Variants in SULT6B1 observed in about 807,000 individuals in gnomAD.
SULT6B1 encodes sulfotransferase family 6B member 1, also known as sulfotransferase 6B1.
Under a neutral mutation model 37.2 loss-of-function variants are expected in SULT6B1, and 44 were observed. The ratio of observed to expected loss-of-function variants is 1.18; its 90% confidence interval spans 0.93 to 1.52. The LOEUF (loss-of-function observed/expected upper bound fraction) is 1.52. Among genes scored for constraint, SULT6B1 ranks in the 40% most tolerant of loss-of-function variants. SULT6B1 has a pLI of 0.00. For synonymous variants in SULT6B1, 140 were observed against 126.0 expected (o/e 1.11, Z -0.74); for missense variants, 450 against 361.0 (o/e 1.25, Z -2.00).
At chr2:37,175,261 C>A in intron 4 of SULT6B1, 35 bp from the exon 5 acceptor site, 2 of 1,238,012 alleles carry the variant, frequency 1.6e-6, no homozygotes, top group East Asian at 2.4e-5. Flanking sequence ...TAAGAAATGT[C>A]AAATAACTGA....
upstream of SULT6B1, chr2:37,191,154 T>A (rs1407322130): frequency 1.3e-5 from 2 of 149,592 alleles, no homozygotes; most frequent in Non-Finnish European, 2.9e-5. Flanking sequence ...GAAAGACACT[T>A]ACAATGAGAT....
At chr2:37,194,178 A>T (rs561470740) in intron 1 of SULT6B1, among the ~76,000 whole-genome samples, 2 of 146,282 alleles carry the variant, frequency 1.4e-5, no homozygotes, top group Admixed American at 1.4e-4. Flanking sequence ...CTGTCTGTAG[A>T]TTTTTTTTTT....
At chr2:37,184,439 T>G (rs957193554) in intron 2 of SULT6B1, among the ~76,000 whole-genome samples, 1 of 152,352 alleles carries the variant, frequency 6.6e-6, no homozygotes, top group African/African-American at 2.4e-5. Flanking sequence ...CTATTTAATC[T>G]GCCAGGATTA....
At chr2:37,170,844 C>T (rs1299355500) in intron 6 of SULT6B1, among the ~76,000 whole-genome samples, 1 of 151,988 alleles carries the variant, frequency 6.6e-6, no homozygotes, top group Non-Finnish European at 1.5e-5. Flanking sequence ...CTCACTATCT[C>T]CTATCTGAAT....
intron 5 of SULT6B1, among the ~76,000 whole-genome samples, chr2:37,173,353 G>C (rs1299372961): frequency 6.6e-6 from 1 of 151,838 alleles, no homozygotes; most frequent in Non-Finnish European, 1.5e-5. Flanking sequence ...AAATTGGTGG[G>C]CTCCAAGTTC....
At chr2:37,189,454 A>G (rs981737855), upstream of SULT6B1, among the ~76,000 whole-genome samples, 3 of 152,250 alleles carry the variant, frequency 2.0e-5, no homozygotes, top group African/African-American at 7.2e-5. Context: ...CAAGTGGATG[A>G]CTTCAAGTAC....
At chr2:37,183,334 T>C (rs1488809657) in intron 3 of SULT6B1, 91 bp downstream of exon 3, 2 of 987,000 alleles carry the variant, frequency 2.0e-6, no homozygotes, top group Non-Finnish European at 3.1e-6. Flanking sequence ...ATTAAGCTTC[T>C]ATGAGAAGGA....
At chr2:37,173,674 T>C (rs1406263423) in intron 5 of SULT6B1, among the ~76,000 whole-genome samples, 2 of 152,140 alleles carry the variant, frequency 1.3e-5, no homozygotes, top group African/African-American at 4.8e-5. Flanking sequence ...ACTTGACTTC[T>C]CTCCTTGTCT....
chr2:37,175,514 TA>T (rs1238261950), intron 4 of SULT6B1, among the ~76,000 whole-genome samples: 5 of 152,072 alleles, frequency 3.3e-5, no homozygotes, highest in Non-Finnish European at 7.4e-5. Context: ...TTAGGTGGAT[TA>T]AAAAAATTCA....
At chr2:37,176,735 T>TTA (rs1233324520) in intron 4 of SULT6B1, among the ~76,000 whole-genome samples, 1 of 152,070 alleles carries the variant, frequency 6.6e-6, no homozygotes, top group Non-Finnish European at 1.5e-5. Context: ...CAAACCCTGA[T>TTA]TATTTGGGTC....
In SULT6B1 at chr2:37,178,950, G is replaced by T. The variant is rs535884067; in HGVS notation, c.529+508C>A. On this transcript the variant is annotated intron_variant, in intron 4 of 6. Transcript: ENST00000535679. ...GTCAACATACGACTTGTCCAAATTA[G>T]TTTTTTGTTTGTTTGTTTGTTTGTT... 3.0e-3 allele frequency among the ~76,000 whole-genome samples: 425 copies of T among 139,692 alleles called. 3 individuals are homozygous for T. Among genetic ancestry groups the T allele is most frequent in the South Asian group, 5.3e-3 (21 of 3,944 alleles). The allele number at this position is 139,692 out of a possible 152,430, so 91.6% of individuals were successfully genotyped here.
chr2:37,192,946 C>A (rs955816601), upstream of SULT6B1, among the ~76,000 whole-genome samples: 1 of 152,132 alleles, frequency 6.6e-6, no homozygotes, highest in Non-Finnish European at 1.5e-5. Context: ...AGGGAGGATA[C>A]CAGCCGTGAA....
chr2:37,187,539 A>G, intron 1 of SULT6B1, 72 bp from the exon 2 acceptor site: 1 of 850,264 alleles, frequency 1.2e-6, no homozygotes, highest in South Asian at 2.0e-5. Flanking sequence ...ACTTTAGCAT[A>G]TACATGATAA....
Position 37,188,595 on chromosome 2 carries a change from CT to C in SULT6B1, c.45del (p.Glu16LysfsTer45). On this transcript the variant is annotated frameshift_variant, in exon 1 of 7. Transcript: ENST00000535679. LOFTEE classifies it high-confidence loss of function. ...GAGAGTGCAGTTTCTTTTGATTTTT[CT>C]AAAGCTTCGTCAATGTATTCAATAA... ...SKFIEYIDEALEKSKETALSH... is the reference protein window; with the variant it reads ...SKFIEYIDEAXEKSKETALSH... The C allele has an allele frequency of 6.5e-7, 1 of 1,541,214 alleles. No individual in the cohort carries two copies. The highest frequency in any genetic ancestry group is 9.0e-7 in the Non-Finnish European group (1 of 1,114,168).
chr2:37,192,950 C>A (rs183323506), upstream of SULT6B1, among the ~76,000 whole-genome samples: 264 of 152,236 alleles, frequency 1.7e-3, no homozygotes, highest in Middle Eastern at 3.4e-3. Flanking sequence ...AGGATACCAG[C>A]CGTGAATAAT....
At chr2:37,175,315 C>G in intron 4 of SULT6B1, 89 bp from the exon 5 acceptor site, 1 of 627,724 alleles carries the variant, frequency 1.6e-6, no homozygotes, top group Non-Finnish European at 2.6e-6. Context: ...ATAAACTATA[C>G]ATATGTGTAT....
At chr2:37,174,168 C>G (rs1163634823) in intron 5 of SULT6B1, among the ~76,000 whole-genome samples, 1 of 151,724 alleles carries the variant, frequency 6.6e-6, no homozygotes, top group African/African-American at 2.4e-5. Context: ...TCCCCCACTT[C>G]CCTCAGATCT....
upstream of SULT6B1, among the ~76,000 whole-genome samples, chr2:37,190,574 G>C (rs541899378): frequency 6.6e-6 from 1 of 152,334 alleles, no homozygotes; most frequent in South Asian, 2.1e-4. Context: ...GGCCACAGGG[G>C]CTAAGTGGCT....
At chr2:37,181,217 T>A (rs1327009751) in intron 3 of SULT6B1, among the ~76,000 whole-genome samples, 1 of 152,176 alleles carries the variant, frequency 6.6e-6, no homozygotes, top group African/African-American at 2.4e-5. Flanking sequence ...TATAGTAGAT[T>A]CTTGCCATTT....
Sources: allele counts gnomAD v4.1 joint callset (sites outside exome capture counted in the v4.1 genomes callset), GRCh38; gene constraint gnomAD v4.1.1; transcripts MANE v1.5; gene names NCBI Gene and HGNC (gene_info 2026-07-23, HGNC 2026-07-21).